The following STK32A variants were observed in gnomAD, a reference collection of about 807,000 sequenced individuals.
The protein encoded by STK32A is serine/threonine kinase 32A.
Under a neutral mutation model 53.2 loss-of-function variants are expected in STK32A, and 41 were observed. The ratio of observed to expected loss-of-function variants is 0.77; its 90% CI spans 0.60 to 1.00. The LOEUF (loss-of-function observed/expected upper bound fraction) is 1.00. Ranked by LOEUF, STK32A falls within the 50% of genes least tolerant of loss-of-function variation. STK32A has a pLI of 0.00. For synonymous variants in STK32A, 166 were observed against 162.8 expected (o/e 1.02, Z -0.15); for missense variants, 458 against 485.8 (o/e 0.94, Z 0.54).
At chr5:147,397,159 T>C in the STK32A span, among the ~76,000 whole-genome samples, 1 of 46,510 alleles carries the variant, frequency 2.2e-5, no homozygotes, top group East Asian at 9.6e-4. Context: ...TGCACACATG[T>C]ATGTATCTAT....
At chr5:147,321,861 A>G (rs1754336642) in intron 4 of STK32A, among the ~76,000 whole-genome samples, 1 of 152,138 alleles carries the variant, frequency 6.6e-6, no homozygotes, top group Non-Finnish European at 1.5e-5. Context: ...TTTTATGGTT[A>G]GTACTCTCTT....
chr5:147,350,937 C>A, intron 6 of STK32A, 128 bp from the exon 7 acceptor site: 1 of 705,716 alleles, frequency 1.4e-6, no homozygotes. Flanking sequence ...ACCATATCGG[C>A]CTTGAGGATG....
chr5:147,315,653 G>T (rs796952310), intron 4 of STK32A, among the ~76,000 whole-genome samples: 26 of 152,286 alleles, frequency 1.7e-4, no homozygotes, highest in African/African-American at 5.8e-4. Context: ...GGACAGTGGT[G>T]ATGGTTGTAG....
At chr5:147,376,197 G>C (rs1757224065) in intron 11 of STK32A, among the ~76,000 whole-genome samples, 1 of 152,094 alleles carries the variant, frequency 6.6e-6, no homozygotes, top group South Asian at 2.1e-4. Flanking sequence ...TATTTCAATG[G>C]ACAATTAACC....
chr5:147,359,683 T>A (rs539958352), intron 7 of STK32A, among the ~76,000 whole-genome samples: 1 of 152,154 alleles, frequency 6.6e-6, no homozygotes, highest in Non-Finnish European at 1.5e-5. Flanking sequence ...GTCCATCCTG[T>A]CTGTGGGAGT....
chr5:147,322,592 A>G (rs115938918), intron 4 of STK32A, among the ~76,000 whole-genome samples: 179 of 152,374 alleles, frequency 1.2e-3, no homozygotes, highest in African/African-American at 4.2e-3. Flanking sequence ...CACTGCTTGC[A>G]GGCACTTAAT....
chr5:147,251,554 T>A (rs1754000358), intron 2 of STK32A, among the ~76,000 whole-genome samples: 1 of 152,182 alleles, frequency 6.6e-6, no homozygotes, highest in African/African-American at 2.4e-5. Context: ...TATAGCTATC[T>A]TCCCAGGATG....
intron 4 of STK32A, among the ~76,000 whole-genome samples, chr5:147,285,629 G>A (rs2151958205): frequency 6.6e-6 from 1 of 152,164 alleles, no homozygotes; most frequent in African/African-American, 2.4e-5. Flanking sequence ...GTGGGCTAAG[G>A]ACATGAATAG....
intron 6 of STK32A, among the ~76,000 whole-genome samples, chr5:147,349,849 C>T (rs975861125): frequency 1.3e-5 from 2 of 152,054 alleles, no homozygotes; most frequent in Admixed American, 6.6e-5. Context: ...CAGTGGCTCA[C>T]GCCTGTAATC....
At chr5:147,263,335 G>A (rs1321320750) in intron 2 of STK32A, among the ~76,000 whole-genome samples, 1 of 152,216 alleles carries the variant, frequency 6.6e-6, no homozygotes, top group Non-Finnish European at 1.5e-5. Flanking sequence ...TTGCTGGCAA[G>A]AGCCACATAC....
At chr5:147,266,900 G>C (rs1040192394) in intron 2 of STK32A, among the ~76,000 whole-genome samples, 2 of 152,040 alleles carry the variant, frequency 1.3e-5, no homozygotes, top group Non-Finnish European at 2.9e-5. Context: ...GTGCGTGTCT[G>C]TAATCCCAGC....
At position 147,361,499 on chromosome 5, in the gene STK32A, A is replaced by T; in HGVS notation, c.563-18A>T. ...TGTCTCAGGGAATCAAACTGGTTTA[A>T]TTTTTCGTGTTTTTCAGCACCTGAG... On this transcript the variant is annotated intron_variant, in intron 7 of 12. Transcript: ENST00000397936. 1 of 1,583,704 alleles carries T rather than the reference A, an allele frequency of 6.3e-7. No homozygotes were observed. Among genetic ancestry groups the T allele is most frequent in the South Asian group, 1.1e-5 (1 of 88,536 alleles).
chr5:147,294,922 A>T (rs1752797046), intron 4 of STK32A, among the ~76,000 whole-genome samples: 1 of 152,122 alleles, frequency 6.6e-6, no homozygotes, highest in South Asian at 2.1e-4. Flanking sequence ...TGACCGCATG[A>T]TCTGCCCGCC....
chr5:147,277,346 C>T (rs1751801379), intron 2 of STK32A, among the ~76,000 whole-genome samples: 1 of 152,130 alleles, frequency 6.6e-6, no homozygotes, highest in Non-Finnish European at 1.5e-5. Flanking sequence ...CATCATTATA[C>T]ATTTCACGAG....
intron 9 of STK32A, 91 bp downstream of exon 9, chr5:147,370,861 C>A: frequency 1.2e-6 from 1 of 800,440 alleles, no homozygotes; most frequent in Non-Finnish European, 2.1e-6. Context: ...ATATTGGGGA[C>A]AGTCATGATA....
chr5:147,383,768 A>T, intron 12 of STK32A, 122 bp from the exon 13 acceptor site: 1 of 1,046,470 alleles, frequency 9.6e-7, no homozygotes, highest in Non-Finnish European at 1.3e-6. Context: ...AAAGCCTTTT[A>T]AAAGATTTCC....
In STK32A at chr5:147,247,920, G is replaced by A. The variant is rs562680860; in HGVS notation, c.52+8234G>A. Among the ~76,000 whole-genome samples, 12 of 152,100 alleles carry A rather than the reference G, an allele frequency of 7.9e-5. No individual in the cohort carries two copies. In the South Asian group the frequency reaches 2.1e-3, roughly 26 times the overall value. On this transcript the variant is annotated intron_variant, in intron 2 of 12. Transcript: ENST00000397936. The stretch of plus-strand genomic sequence containing the variant: ...GCAGATCACCTGAGGTCACGAGTTC[G>A]AGACCAGCCTGACCAACATGGAGAA...
chr5:147,360,475 A>AAAAGAAAGAAAG (rs142486199), intron 7 of STK32A, among the ~76,000 whole-genome samples: 1 of 143,320 alleles, frequency 7.0e-6, no homozygotes, highest in East Asian at 2.0e-4. Context: ...AAAGAAAAAA[A>AAAAGAAAGAAAG]AAAGAAAGAA....
At chr5:147,266,596 C>A (rs940372362) in intron 2 of STK32A, among the ~76,000 whole-genome samples, 9 of 152,116 alleles carry the variant, frequency 5.9e-5, no homozygotes, top group Non-Finnish European at 7.4e-5. Flanking sequence ...TATGATACGT[C>A]CAAAATGTTT....
Sources: allele counts gnomAD v4.1 joint callset (sites outside exome capture counted in the v4.1 genomes callset), GRCh38; gene constraint gnomAD v4.1.1; transcripts MANE v1.5; gene names NCBI Gene and HGNC (gene_info 2026-07-23, HGNC 2026-07-21).